Variants in BCO1 observed in about 807,000 individuals in gnomAD.
BCO1 encodes beta-carotene oxygenase 1, also known as beta,beta-carotene 15,15'-dioxygenase.
In BCO1, 54 loss-of-function variants were observed where a neutral mutation model predicts 56.3. The ratio of observed to expected loss-of-function variants is 0.96; its 90% CI spans 0.77 to 1.20. The LOEUF (loss-of-function observed/expected upper bound fraction) is 1.20. Ranked by LOEUF, BCO1 falls within the 50% of genes most tolerant of loss-of-function variation. The pLI, the probability that BCO1 is intolerant of heterozygous loss-of-function variation, is 0.00. For synonymous variants in BCO1, 318 were observed against 266.1 expected (o/e 1.20, Z -1.90); for missense variants, 801 against 690.9 (o/e 1.16, Z -1.79).
At position 81,254,851 on chromosome 16, in the gene BCO1, C is replaced by T. The variant is rs56891351; in HGVS notation, c.194-4825C>T. On this transcript the variant is annotated intron_variant, in intron 2 of 10. Coordinates refer to ENST00000258168, the MANE Select transcript of BCO1 (RefSeq NM_017429.3). ...TTGCTCTGTTGCCCAGGCTGAAGTG[C>T]AGTAGTGCGATCTTGGCTCACTGTA... Among the ~76,000 whole-genome samples, 488 of 152,266 alleles carry T rather than the reference C, an allele frequency of 3.2e-3. 1 individual carries two copies. The highest frequency in any genetic ancestry group is 0.011 in the African/African-American group (450 of 41,552).
chr16:81,241,951 T>C (rs899806707), intron 1 of BCO1, among the ~76,000 whole-genome samples: 3 of 152,196 alleles, frequency 2.0e-5, no homozygotes, highest in African/African-American at 7.2e-5. Context: ...TTCTGTTTGA[T>C]GAATGTAGCC....
intron 7 of BCO1, among the ~76,000 whole-genome samples, chr16:81,274,667 C>T (rs1455949436): frequency 6.6e-6 from 1 of 152,184 alleles, no homozygotes; most frequent in African/African-American, 2.4e-5. Context: ...CACCTGAGGT[C>T]AGGAGTTCAA....
chr16:81,277,813 G>C (rs186469772), intron 7 of BCO1, among the ~76,000 whole-genome samples: 24 of 152,322 alleles, frequency 1.6e-4, no homozygotes, highest in Admixed American at 1.0e-3. Flanking sequence ...AAGCAGCCAA[G>C]TCATGTTTGT....
chr16:81,283,144 C>T (rs1465315664), intron 8 of BCO1, among the ~76,000 whole-genome samples: 1 of 152,172 alleles, frequency 6.6e-6, no homozygotes, highest in Non-Finnish European at 1.5e-5. Context: ...TGTTCCGAAG[C>T]TGCCTCTTGC....
At chr16:81,241,172 G>A (rs755636400) in intron 1 of BCO1, among the ~76,000 whole-genome samples, 28 of 152,022 alleles carry the variant, frequency 1.8e-4, no homozygotes, top group Non-Finnish European at 3.2e-4. Flanking sequence ...AAATTAGCCA[G>A]GCATGGTGGT....
chr16:81,250,942 G>A (rs111673149), intron 2 of BCO1, among the ~76,000 whole-genome samples: 2 of 152,266 alleles, frequency 1.3e-5, no homozygotes, highest in African/African-American at 4.8e-5. Flanking sequence ...AGTCCTCAAA[G>A]ATAGCGTTTG....
At position 81,264,733 on chromosome 16, in the gene BCO1, G is replaced by C; in HGVS notation, c.565G>C (p.Val189Leu). ...TGTTCTAAACATGGGCACATCCATT[G>C]TGGAAAAGGGGAAGACAAAGTATGT... is the stretch of plus-strand genomic sequence containing the variant. Reference protein sequence around the residue: ...GNVLNMGTSIVEKGKTKYVIF... With the variant: ...GNVLNMGTSILEKGKTKYVIF... Residue 189 changes from valine to leucine, a missense_variant, in exon 5 of 11, where the codon GTG (valine) becomes CTG (leucine). Val to Leu is a conservative substitution (Grantham distance 32, BLOSUM62 1). Coordinates refer to ENST00000258168, the MANE Select transcript of BCO1 (RefSeq NM_017429.3). 6.2e-7 allele frequency: 1 copy of C among 1,614,202 alleles called. No individual in the cohort carries two copies. Among genetic ancestry groups the C allele is most frequent in the Non-Finnish European group, 8.5e-7 (1 of 1,180,034 alleles).
chr16:81,276,926 G>T (rs965957380), intron 7 of BCO1, among the ~76,000 whole-genome samples: 1 of 151,950 alleles, frequency 6.6e-6, no homozygotes, highest in Admixed American at 6.6e-5. Context: ...ACTTAGCCAG[G>T]CATGGTGGCT....
intron 6 of BCO1, among the ~76,000 whole-genome samples, chr16:81,269,293 T>C (rs1374568212): frequency 3.3e-5 from 5 of 149,596 alleles, no homozygotes; most frequent in Admixed American, 6.6e-5. Flanking sequence ...CGTGCACTTT[T>C]AGTTTTTCTT....
chr16:81,270,968 T>C (rs1180105650), intron 7 of BCO1, among the ~76,000 whole-genome samples: 3 of 151,922 alleles, frequency 2.0e-5, no homozygotes, highest in South Asian at 4.1e-4. Context: ...ATGGTCTGGA[T>C]CTCCCGACCT....
At chr16:81,257,104 A>G (rs374114023) in intron 2 of BCO1, among the ~76,000 whole-genome samples, 1 of 152,084 alleles carries the variant, frequency 6.6e-6, no homozygotes, top group African/African-American at 2.4e-5. Context: ...CTCTCTCCCC[A>G]GCATATTGCA....
intron 7 of BCO1, among the ~76,000 whole-genome samples, chr16:81,272,986 G>A (rs536120829): frequency 6.6e-6 from 1 of 151,708 alleles, no homozygotes; most frequent in East Asian, 1.9e-4. Context: ...TTCTTTTTGT[G>A]GGGGATGGAG....
At chr16:81,253,377 C>T (rs899223477) in intron 2 of BCO1, among the ~76,000 whole-genome samples, 3 of 152,170 alleles carry the variant, frequency 2.0e-5, no homozygotes, top group African/African-American at 4.8e-5. Flanking sequence ...GACTGTGTCA[C>T]GATCCTCATG....
At chr16:81,285,913 C>T (rs1908153134) in intron 9 of BCO1, among the ~76,000 whole-genome samples, 1 of 152,146 alleles carries the variant, frequency 6.6e-6, no homozygotes, top group African/African-American at 2.4e-5. Flanking sequence ...GTGGTAGGCA[C>T]TGAGGGTAAG....
intron 7 of BCO1, among the ~76,000 whole-genome samples, chr16:81,278,449 G>C (rs1360939484): frequency 6.6e-6 from 1 of 152,128 alleles, no homozygotes; most frequent in African/African-American, 2.4e-5. Flanking sequence ...CTTGCCCCTT[G>C]ACAGCCCAAA....
intron 1 of BCO1, among the ~76,000 whole-genome samples, chr16:81,244,715 A>G (rs1207611289): frequency 1.9e-5 from 2 of 103,314 alleles, no homozygotes; most frequent in African/African-American, 8.6e-5. Context: ...CGTTGCCCCT[A>G]TCTTTTTTTT....
intron 3 of BCO1, among the ~76,000 whole-genome samples, chr16:81,260,732 C>CCTGA (rs1232621657): frequency 6.6e-6 from 1 of 152,200 alleles, no homozygotes; most frequent in Non-Finnish European, 1.5e-5. Flanking sequence ...TGGTCTTGAA[C>CCTGA]TCCTGATCTT....
intron 2 of BCO1, among the ~76,000 whole-genome samples, chr16:81,252,642 A>G (rs552627471): frequency 1.5e-4 from 23 of 152,322 alleles, no homozygotes; most frequent in Non-Finnish European, 3.1e-4. Context: ...AACAGTAACC[A>G]GTGAAAGACA....
At chr16:81,264,606 T>G (rs1906692979) in intron 4 of BCO1, 34 bp from the exon 5 acceptor site, 1 of 1,611,802 alleles carries the variant, frequency 6.2e-7, no homozygotes. Flanking sequence ...TTATCGTAAA[T>G]ACTTTAAAAA....
Sources: gnomAD v4.1 joint callset for allele counts (sites outside exome capture counted in the v4.1 genomes callset) on GRCh38, gnomAD v4.1.1 for gene constraint, MANE v1.5 for transcripts, NCBI Gene and HGNC (gene_info 2026-07-23, HGNC 2026-07-21) for gene names.